NRXN1: variants seen among roughly 807,000 people sequenced by gnomAD.
The protein encoded by NRXN1 is neurexin-1.
NRXN1 carries 39 observed loss-of-function variants against 150.9 expected under a neutral mutation model. The observed-to-expected ratio is 0.26, with a 90% CI of 0.20 to 0.34. The LOEUF (loss-of-function observed/expected upper bound fraction) is 0.34. NRXN1 is among the 10% of genes least tolerant of loss of function. NRXN1 has a pLI of 1.00. For synonymous variants in NRXN1, 924 were observed against 757.0 expected (o/e 1.22, Z -3.62); for missense variants, 1,815 against 1,949.9 (o/e 0.93, Z 1.30).
At chr2:50,586,156 T>C (rs1673062724) in intron 8 of NRXN1, among the ~76,000 whole-genome samples, 1 of 152,176 alleles carries the variant, frequency 6.6e-6, no homozygotes. Context: ...CAAACCTACT[T>C]ACCCTCCAGG....
intron 8 of NRXN1, among the ~76,000 whole-genome samples, chr2:50,617,621 A>G (rs1414983475): frequency 6.6e-6 from 1 of 152,184 alleles, no homozygotes; most frequent in Non-Finnish European, 1.5e-5. Context: ...AAAGTGTCCA[A>G]TCAATAAAGA....
intron 11 of NRXN1, among the ~76,000 whole-genome samples, chr2:50,529,733 T>C (rs1169651879): frequency 6.6e-6 from 1 of 152,208 alleles, no homozygotes; most frequent in Non-Finnish European, 1.5e-5. Context: ...GTGTTTCCAC[T>C]TTGACTAACA....
At chr2:50,469,773 G>C (rs917602248) in intron 16 of NRXN1, among the ~76,000 whole-genome samples, 2 of 150,588 alleles carry the variant, frequency 1.3e-5, no homozygotes, top group Non-Finnish European at 3.0e-5. Flanking sequence ...AGGGGTGTCA[G>C]GGTGTGAAAA....
intron 17 of NRXN1, among the ~76,000 whole-genome samples, chr2:50,401,017 A>G (rs2082356499): frequency 6.6e-6 from 1 of 152,118 alleles, no homozygotes; most frequent in African/African-American, 2.4e-5. Flanking sequence ...CACTCTAATA[A>G]TGAAATATTG....
chr2:50,095,607 T>C (rs1700108934), intron 18 of NRXN1, among the ~76,000 whole-genome samples: 2 of 152,118 alleles, frequency 1.3e-5, no homozygotes, highest in Admixed American at 6.5e-5. Flanking sequence ...ATAAGTCCCT[T>C]TAACTTAACC....
intron 7 of NRXN1, 53 bp downstream of exon 7, chr2:50,621,173 C>G (rs2104259654): frequency 1.3e-6 from 2 of 1,496,720 alleles, no homozygotes; most frequent in Non-Finnish European, 1.8e-6. Flanking sequence ...CACGGCAAAC[C>G]CAAAATAAGA....
At chr2:50,086,027 G>C (rs764529917) in intron 19 of NRXN1, among the ~76,000 whole-genome samples, 1 of 152,134 alleles carries the variant, frequency 6.6e-6, no homozygotes, top group Non-Finnish European at 1.5e-5. Flanking sequence ...AAACCAGTTG[G>C]TCTCTTCAAG....
At chr2:50,972,183 G>A (rs897218400) in intron 2 of NRXN1, among the ~76,000 whole-genome samples, 1 of 151,886 alleles carries the variant, frequency 6.6e-6, no homozygotes, top group African/African-American at 2.4e-5. Flanking sequence ...TTAAATGTGT[G>A]TATATTTTTA....
Position 50,386,187 on chromosome 2 carries a change from A to G in NRXN1, c.3364+79255T>C, listed in dbSNP as rs541403505. Among the ~76,000 whole-genome samples, 71 of 152,228 alleles carry G rather than the reference A, an allele frequency of 4.7e-4. 1 individual carries two copies. The highest frequency in any genetic ancestry group is 1.6e-3 in the African/African-American group (67 of 41,578). On this transcript the variant is annotated intron_variant, in intron 17 of 22. Transcript: ENST00000401669. ...AAATGCATTTTGTTAAATATTAAAGACATCAATCATACAGAACTGATGGTT... is the reference window on the plus strand; with the variant it reads ...AAATGCATTTTGTTAAATATTAAAGGCATCAATCATACAGAACTGATGGTT...
chr2:49,939,072 G>A (rs1671525736), intron 22 of NRXN1, among the ~76,000 whole-genome samples: 1 of 152,100 alleles, frequency 6.6e-6, no homozygotes, highest in Non-Finnish European at 1.5e-5. Context: ...GTGCGTGTGT[G>A]TATAAAAATA....
In NRXN1 at chr2:50,329,657, ATATATATATATATATATTTT is replaced by A. The variant is rs1433971769; in HGVS notation, c.3365-92707_3365-92688del. Reference sequence around the variant, plus strand: ...TATATATATATATATATATATATATATATATATATATATATATTTTTTTTTTTCCCCCCCGAGACGGAGTC... The same window carrying A: ...TATATATATATATATATATATATATATTTTTTTCCCCCCCGAGACGGAGTC... On this transcript the variant is annotated intron_variant, in intron 17 of 22. Coordinates refer to ENST00000401669, the MANE Select transcript of NRXN1 (RefSeq NM_001330078.2). 2.6e-3 allele frequency among the ~76,000 whole-genome samples: 46 copies of A among 17,414 alleles called. 1 individual carries two copies. The highest frequency in any genetic ancestry group is 7.3e-3 in the African/African-American group (26 of 3,542). The allele number at this position is 17,414 out of a possible 152,430, so 11.4% of individuals were successfully genotyped here.
At chr2:50,115,240 T>TATATATATATATATAC (rs1270800103) in intron 18 of NRXN1, among the ~76,000 whole-genome samples, 42 of 133,970 alleles carry the variant, frequency 3.1e-4, no homozygotes, top group African/African-American at 1.1e-3. Context: ...TATATATATA[T>TATATATATATATATAC]ACACACACAC....
intron 5 of NRXN1, among the ~76,000 whole-genome samples, chr2:50,783,565 A>C (rs1559255936): frequency 6.6e-6 from 1 of 152,134 alleles, no homozygotes; most frequent in African/African-American, 2.4e-5. Flanking sequence ...CACAGTCATA[A>C]ATCTATGGAA....
chr2:51,011,477 C>A lies in NRXN1; in HGVS notation c.772+16025G>T, dbSNP rs1160543788. On this transcript the variant is annotated intron_variant, in intron 2 of 22. Coordinates refer to ENST00000401669, the MANE Select transcript of NRXN1 (RefSeq NM_001330078.2). ...TCCCTGCTGGAGAACCAGGGGTGAG[C>A]AGGAAGAGGGTATCAGGGATGATTT... Among the ~76,000 whole-genome samples, 3 of 151,986 alleles carry A rather than the reference C, an allele frequency of 2.0e-5. No homozygotes were observed. The East Asian group carries it at 5.9e-4, about 30-fold the overall frequency.
At chr2:50,857,785 C>G (rs1323211846) in intron 5 of NRXN1, among the ~76,000 whole-genome samples, 1 of 151,386 alleles carries the variant, frequency 6.6e-6, no homozygotes, top group East Asian at 1.9e-4. Flanking sequence ...GCATCTAATA[C>G]TGTAATTCAT....
At chr2:50,759,528 T>A (rs180760293) in intron 5 of NRXN1, among the ~76,000 whole-genome samples, 2 of 151,974 alleles carry the variant, frequency 1.3e-5, no homozygotes, top group African/African-American at 4.8e-5. Context: ...AAAGACAGAA[T>A]AATCAAGAAT....
intron 11 of NRXN1, among the ~76,000 whole-genome samples, chr2:50,529,863 T>C (rs1467016061): frequency 6.6e-6 from 1 of 152,194 alleles, no homozygotes; most frequent in Admixed American, 6.5e-5. Flanking sequence ...CTTAAAGTAG[T>C]ATTTTTTTAA....
In NRXN1 at chr2:50,287,985, T is replaced by C. The variant is rs57301673; in HGVS notation, c.3365-51015A>G. On this transcript the variant is annotated intron_variant, in intron 17 of 22. Transcript: ENST00000401669. ...GAGGAAAGGACCTCGAGGGCATGTA[T>C]AGACACAACAAAGAGGGAGGTGACC... Among the ~76,000 whole-genome samples the C allele has an allele frequency of 5.8e-3, 886 of 152,172 alleles. 11 individuals are homozygous for C. The highest frequency in any genetic ancestry group is 0.021 in the African/African-American group (860 of 41,516).
Position 50,371,052 on chromosome 2 carries a change from T to C in NRXN1, c.3364+94390A>G, listed in dbSNP as rs561894634. On this transcript the variant is annotated intron_variant, in intron 17 of 22. Transcript: ENST00000401669. ...TCCATGTCAACATGCACATGCATGA[T>C]TGTATATATATATGTAAGTATAATT... 1.6e-4 allele frequency among the ~76,000 whole-genome samples: 25 copies of C among 152,092 alleles called. No homozygotes were observed. In the East Asian group the frequency reaches 3.3e-3, roughly 20 times the overall value.
Sources: gnomAD v4.1 joint callset for allele counts (sites outside exome capture counted in the v4.1 genomes callset) on GRCh38, gnomAD v4.1.1 for gene constraint, MANE v1.5 for transcripts, NCBI Gene and HGNC (gene_info 2026-07-23, HGNC 2026-07-21) for gene names.